EPHB1: variants seen among roughly 807,000 people sequenced by gnomAD.
The protein encoded by EPHB1 is ephrin type-B receptor 1.
EPHB1 carries 30 observed loss-of-function variants against 94.4 expected under a neutral mutation model. The observed-to-expected ratio is 0.32, with a 90% CI of 0.24 to 0.43. The LOEUF (loss-of-function observed/expected upper bound fraction) is 0.43. Among genes scored for constraint, EPHB1 ranks in the 20% least tolerant of loss-of-function variants. The pLI, the probability that EPHB1 is intolerant of heterozygous loss-of-function variation, is 1.00. For missense variants in EPHB1, 1,055 were observed against 1,308.3 expected, an observed-to-expected ratio of 0.81 and a Z score of 2.99; for synonymous variants, 522 against 489.1, an observed-to-expected ratio of 1.07 and a Z score of -0.89.
intron 1 of EPHB1, among the ~76,000 whole-genome samples, chr3:134,844,721 G>A (rs1037148347): frequency 7.9e-5 from 12 of 152,186 alleles, no homozygotes; most frequent in Admixed American, 1.3e-4. Flanking sequence ...TCAAACTCCC[G>A]TCTTTGATAC....
At chr3:135,112,441 G>A (rs917970912) in intron 4 of EPHB1, among the ~76,000 whole-genome samples, 10 of 151,898 alleles carry the variant, frequency 6.6e-5, no homozygotes, top group Admixed American at 4.6e-4. Flanking sequence ...TGTGCACAAC[G>A]TGCAGGTTTG....
At chr3:135,076,148 A>G (rs533740105) in intron 3 of EPHB1, among the ~76,000 whole-genome samples, 4 of 152,068 alleles carry the variant, frequency 2.6e-5, no homozygotes, top group African/African-American at 7.2e-5. Flanking sequence ...GATTTCTTAG[A>G]TATGACTCCA....
At chr3:135,147,177 C>T (rs1421393256) in intron 5 of EPHB1, among the ~76,000 whole-genome samples, 1 of 152,102 alleles carries the variant, frequency 6.6e-6, no homozygotes, top group African/African-American at 2.4e-5. Context: ...TGAGCTGGGC[C>T]CTAGGCTCCT....
intron 10 of EPHB1, among the ~76,000 whole-genome samples, chr3:135,182,804 C>T (rs1043643864): frequency 6.6e-6 from 1 of 152,152 alleles, no homozygotes; most frequent in African/African-American, 2.4e-5. Context: ...GGACAGCCTG[C>T]AGTAGCTTGC....
chr3:134,861,149 G>A (rs1221345837), intron 1 of EPHB1, among the ~76,000 whole-genome samples: 2 of 152,160 alleles, frequency 1.3e-5, no homozygotes, highest in African/African-American at 4.8e-5. Flanking sequence ...GCATGAGTGT[G>A]GTGAGGAATG....
intron 3 of EPHB1, among the ~76,000 whole-genome samples, chr3:135,065,298 G>C (rs1237628659): frequency 6.6e-6 from 1 of 152,086 alleles, no homozygotes; most frequent in Non-Finnish European, 1.5e-5. Flanking sequence ...GCTGTCAGTG[G>C]ACTATTGAAG....
intron 10 of EPHB1, among the ~76,000 whole-genome samples, chr3:135,181,149 A>C (rs1187750630): frequency 2.6e-5 from 4 of 152,184 alleles, no homozygotes; most frequent in African/African-American, 9.7e-5. Flanking sequence ...GTCACATTTG[A>C]GAGTCTGTCC....
At chr3:135,047,483 G>A (rs886799632) in intron 3 of EPHB1, among the ~76,000 whole-genome samples, 4 of 152,088 alleles carry the variant, frequency 2.6e-5, no homozygotes, top group South Asian at 4.2e-4. Flanking sequence ...GAAAAGCATC[G>A]AACTGCACAG....
intron 6 of EPHB1, among the ~76,000 whole-genome samples, chr3:135,155,188 G>C (rs374733416): frequency 2.2e-4 from 34 of 152,202 alleles, no homozygotes; most frequent in African/African-American, 7.5e-4. Context: ...CAACAGCATA[G>C]AGGAAAAAAG....
intron 12 of EPHB1, among the ~76,000 whole-genome samples, chr3:135,226,837 G>GA (rs918109527): frequency 9.3e-5 from 14 of 149,920 alleles, no homozygotes; most frequent in East Asian, 3.9e-4. Context: ...AGTCATTAAG[G>GA]AAAAAAAAAA....
chr3:135,082,374 G>A (rs943366863), intron 3 of EPHB1, among the ~76,000 whole-genome samples: 8 of 152,198 alleles, frequency 5.3e-5, no homozygotes, highest in African/African-American at 1.4e-4. Context: ...CGATGATAAC[G>A]ATGATGAAGA....
At chr3:135,135,018 T>C (rs1363707586) in intron 5 of EPHB1, among the ~76,000 whole-genome samples, 1 of 152,282 alleles carries the variant, frequency 6.6e-6, no homozygotes, top group African/African-American at 2.4e-5. Flanking sequence ...ATTACCAACA[T>C]GCAAAATATT....
At chr3:134,802,578 G>A (rs539795113) in intron 1 of EPHB1, among the ~76,000 whole-genome samples, 1 of 152,278 alleles carries the variant, frequency 6.6e-6, no homozygotes, top group South Asian at 2.1e-4. Context: ...TGCCCTCCAT[G>A]AGGAAGACTG....
chr3:134,814,155 C>T (rs1172549828), intron 1 of EPHB1, among the ~76,000 whole-genome samples: 1 of 152,142 alleles, frequency 6.6e-6, no homozygotes, highest in African/African-American at 2.4e-5. Context: ...TTGTGGCAAA[C>T]AGAAGCAATG....
chr3:135,162,838 G>A (rs1380531717), intron 7 of EPHB1, among the ~76,000 whole-genome samples: 1 of 152,176 alleles, frequency 6.6e-6, no homozygotes, highest in East Asian at 1.9e-4. Flanking sequence ...TGAAAAATCT[G>A]ATTTCCCAGT....
intron 1 of EPHB1, among the ~76,000 whole-genome samples, chr3:134,851,207 C>G (rs1372245013): frequency 6.6e-6 from 1 of 152,238 alleles, no homozygotes; most frequent in Non-Finnish European, 1.5e-5. Context: ...CAGAGCCCAG[C>G]AGGGCACACC....
chr3:134,860,879 A>G (rs1442348756), intron 1 of EPHB1, among the ~76,000 whole-genome samples: 1 of 149,780 alleles, frequency 6.7e-6, no homozygotes, highest in East Asian at 2.0e-4. Context: ...TGCAACCCCC[A>G]GTAGACCCTG....
chr3:134,976,593 C>G (rs966055603), intron 3 of EPHB1, among the ~76,000 whole-genome samples: 1 of 152,202 alleles, frequency 6.6e-6, no homozygotes, highest in Non-Finnish European at 1.5e-5. Flanking sequence ...TTAGGGTTCA[C>G]TTTCTCCAGA....
intron 4 of EPHB1, among the ~76,000 whole-genome samples, chr3:135,117,582 A>C (rs1424438707): frequency 6.6e-6 from 1 of 152,242 alleles, no homozygotes; most frequent in African/African-American, 2.4e-5. Flanking sequence ...AAGCCACATC[A>C]AGAAGGGTGG....
Sources: gnomAD v4.1 joint callset for allele counts (sites outside exome capture counted in the v4.1 genomes callset) on GRCh38, gnomAD v4.1.1 for gene constraint, MANE v1.5 for transcripts, NCBI Gene and HGNC (gene_info 2026-07-23, HGNC 2026-07-21) for gene names.